The following SAMD5 variants were observed in gnomAD, a reference collection of about 807,000 sequenced individuals.
SAMD5 encodes the protein sterile alpha motif domain-containing protein 5.
SAMD5 carries 13 observed loss-of-function variants against 11.3 expected under a neutral mutation model. The observed-to-expected ratio is 1.15, with a 90% CI of 0.75 to 1.83. SAMD5 has a LOEUF of 1.83. Ranked by LOEUF, SAMD5 falls within the 40% of genes most tolerant of loss-of-function variation. The pLI, the probability that SAMD5 is intolerant of heterozygous loss-of-function variation, is 0.00. For missense variants in SAMD5, 255 were observed against 239.1 expected (o/e 1.07, Z -0.44); for synonymous variants, 129 against 111.3 (o/e 1.16, Z -1.00).
chr6:147,711,467 C>G lies in SAMD5; in HGVS notation c.163-25850C>G, dbSNP rs546860369. ...CTAATTCTCAGCTGCTTCTCATTAGCCAAGATTCCTGCACTTTAGGCTGAA... is the reference window on the plus strand; with the variant it reads ...CTAATTCTCAGCTGCTTCTCATTAGGCAAGATTCCTGCACTTTAGGCTGAA... On this transcript the variant is annotated intron_variant, in intron 1 of 1. Coordinates refer to the SAMD5 transcript ENST00000566741. This position sits in a 1 kb window ranked among gnomAD's most constrained non-coding sequence, Gnocchi z 4.1. 6.6e-6 allele frequency among the ~76,000 whole-genome samples: 1 copy of G among 152,276 alleles called. No homozygotes were observed. The highest frequency in any genetic ancestry group is 6.5e-5 in the Admixed American group (1 of 15,300).
At chr6:147,735,159 C>T (rs906731827) in intron 1 of SAMD5, among the ~76,000 whole-genome samples, 2 of 152,106 alleles carry the variant, frequency 1.3e-5, no homozygotes, top group Non-Finnish European at 2.9e-5. Flanking sequence ...CAGTTATTTG[C>T]AAGTTGACAA....
intron 1 of SAMD5, among the ~76,000 whole-genome samples, chr6:147,725,425 G>A (rs1057012074): frequency 7.1e-6 from 1 of 141,294 alleles, no homozygotes. Context: ...GTCTAGCTCT[G>A]TCACCCAGGT....
At chr6:147,947,194 T>C in the SAMD5 span, among the ~76,000 whole-genome samples, 1 of 152,154 alleles carries the variant, frequency 6.6e-6, no homozygotes, top group African/African-American at 2.4e-5. Context: ...ATTTTCCCCC[T>C]TTTGCTTGCC....
chr6:147,551,518 T>C (rs1254971010), intron 1 of SAMD5, among the ~76,000 whole-genome samples: 1 of 152,078 alleles, frequency 6.6e-6, no homozygotes, highest in Non-Finnish European at 1.5e-5. Context: ...TAAGCCTTTT[T>C]TTTTCTACCC....
chr6:147,911,812 G>A, the SAMD5 span, among the ~76,000 whole-genome samples: 2 of 152,224 alleles, frequency 1.3e-5, no homozygotes, highest in African/African-American at 4.8e-5. Context: ...AGATGCAGCT[G>A]ATCCCAGACA....
rs564552127 is a variant in SAMD5 at position 147,675,833 on chromosome 6, A to G, written c.163-61484A>G. On this transcript the variant is annotated intron_variant, in intron 1 of 1. Coordinates refer to the SAMD5 transcript ENST00000566741. ...TGTTAATGCAGAGCTGCAGCAAATC[A>G]CTGAAGTTCAAGGGTAATGAAACTG... is the stretch of plus-strand genomic sequence containing the variant. 1.1e-4 allele frequency among the ~76,000 whole-genome samples: 16 copies of G among 152,364 alleles called. No homozygotes were observed. In the East Asian group the frequency reaches 2.9e-3, roughly 28 times the overall value.
chr6:147,580,128 A>T (rs951996282), intron 1 of SAMD5, among the ~76,000 whole-genome samples: 1 of 152,226 alleles, frequency 6.6e-6, no homozygotes, highest in African/African-American at 2.4e-5. Context: ...AGTTGTTAGC[A>T]GATTGTTAGT....
intron 1 of SAMD5, among the ~76,000 whole-genome samples, chr6:147,583,847 T>C (rs1161557531): frequency 9.1e-6 from 1 of 109,432 alleles, no homozygotes; most frequent in Non-Finnish European, 2.1e-5. Flanking sequence ...ACACACAAAA[T>C]GGCTATTTAC....
chr6:147,753,917 G>T, the SAMD5 span, among the ~76,000 whole-genome samples: 1 of 152,144 alleles, frequency 6.6e-6, no homozygotes, highest in Non-Finnish European at 1.5e-5. Flanking sequence ...GTACTCCATT[G>T]TGTATATGTA....
At chr6:147,933,862 A>G in the SAMD5 span, among the ~76,000 whole-genome samples, 1 of 152,320 alleles carries the variant, frequency 6.6e-6, no homozygotes, top group African/African-American at 2.4e-5. Context: ...AAGGTACCAG[A>G]TTATGTGCCA....
At chr6:147,607,386 A>G (rs1789719343) in intron 1 of SAMD5, among the ~76,000 whole-genome samples, 1 of 152,214 alleles carries the variant, frequency 6.6e-6, no homozygotes, top group African/African-American at 2.4e-5. Flanking sequence ...TCCTAAGCAA[A>G]AAGAACAAAA....
the SAMD5 span, among the ~76,000 whole-genome samples, chr6:147,749,872 A>T: frequency 6.6e-6 from 1 of 152,228 alleles, no homozygotes; most frequent in Non-Finnish European, 1.5e-5. Context: ...AGATGTATAT[A>T]TACATAAAAA....
chr6:147,723,924 T>C (rs146000618), intron 1 of SAMD5, among the ~76,000 whole-genome samples: 68 of 152,254 alleles, frequency 4.5e-4, no homozygotes, highest in African/African-American at 1.6e-3. Context: ...ACATATCAAG[T>C]GGAAGTGGAA....
rs1182240598 is a variant in SAMD5, at chr6:147,568,057, G to A, written c.*3601G>A. On this transcript the variant is annotated 3_prime_UTR_variant, in exon 2 of 2. Transcript: ENST00000367474. ...CTCTTTATGGCAGCTTCAGATTGAT[G>A]AATTTGAGGTACAAATGAGTGAGTG... The A allele has an allele frequency of 2.0e-6, 2 of 985,178 alleles. No individual in the cohort carries two copies. Among genetic ancestry groups the A allele is most frequent in the African/African-American group, 3.5e-5 (2 of 57,228 alleles). 61.0% of individuals were successfully genotyped at this position (985,178 alleles called of 1,614,324 possible).
intron 1 of SAMD5, among the ~76,000 whole-genome samples, chr6:147,644,493 G>A (rs1054002486): frequency 1.3e-5 from 2 of 152,050 alleles, no homozygotes. Context: ...TTTTTAATTT[G>A]TAAAGCTAAT....
At chr6:147,522,194 T>C (rs898352504) in intron 1 of SAMD5, among the ~76,000 whole-genome samples, 16 of 152,184 alleles carry the variant, frequency 1.1e-4, no homozygotes, top group African/African-American at 3.9e-4. Flanking sequence ...TCTTCTAGTG[T>C]TATTGCATTG....
intron 1 of SAMD5, among the ~76,000 whole-genome samples, chr6:147,651,262 T>G (rs1308494840): frequency 6.6e-6 from 1 of 152,220 alleles, no homozygotes; most frequent in African/African-American, 2.4e-5. Flanking sequence ...CCAGCTCGCA[T>G]TGTAGGAACA....
the SAMD5 span, among the ~76,000 whole-genome samples, chr6:147,777,103 A>G: frequency 1.3e-5 from 2 of 152,164 alleles, no homozygotes; most frequent in Non-Finnish European, 2.9e-5. Context: ...GAATAAAAGC[A>G]TGAATGTTAG....
chr6:147,796,057 G>A, the SAMD5 span, among the ~76,000 whole-genome samples: 2 of 147,968 alleles, frequency 1.4e-5, no homozygotes, highest in South Asian at 4.3e-4. Context: ...CTGTGCAGAA[G>A]CTCTTTAGTT....
Sources: allele counts gnomAD v4.1 joint callset (sites outside exome capture counted in the v4.1 genomes callset), GRCh38; gene constraint gnomAD v4.1.1; non-coding constraint Gnocchi (gnomAD v3.1); transcripts MANE v1.5; gene names NCBI Gene and HGNC (gene_info 2026-07-23, HGNC 2026-07-21).